The following GCA variants were observed in gnomAD, a reference collection of about 807,000 sequenced individuals.
GCA encodes grancalcin, EF-hand calcium-binding protein.
In GCA, 30 loss-of-function variants were observed where a neutral mutation model predicts 32.6. The observed-to-expected ratio is 0.92, with a 90% confidence interval of 0.69 to 1.25. GCA has a LOEUF of 1.25. Ranked by LOEUF, GCA falls within the 50% of genes most tolerant of loss-of-function variation. The probability of loss-of-function intolerance (pLI) is 0.00; values close to 1 mark genes in which losing one functional copy is unlikely to be tolerated. For synonymous variants in GCA, 102 were observed against 84.6 expected (o/e 1.21, Z -1.13); for missense variants, 291 against 266.8 (o/e 1.09, Z -0.63).
chr2:162,358,540 G>A (rs1166944251), intron 5 of GCA, among the ~76,000 whole-genome samples: 3 of 151,098 alleles, frequency 2.0e-5, no homozygotes, highest in Non-Finnish European at 4.5e-5. Flanking sequence ...AAGAATTCCA[G>A]GACAAAAAAG....
chr2:162,352,379 A>G lies in GCA; in HGVS notation c.234A>G (p.Thr78=). 6.3e-7 allele frequency: 1 copy of G among 1,593,158 alleles called. No homozygotes were observed. The highest frequency in any genetic ancestry group is 1.3e-5 in the African/African-American group (1 of 74,684). The change falls in exon 3 of 8, where the codon ACA becomes ACG. Residue 78 remains threonine, a synonymous_variant. Transcript: ENST00000437150. The part of the protein sequence containing the change: ...VDAEELQRCL[T]QSGINGTYSP... The stretch of plus-strand genomic sequence containing the variant: ...CTGAAGAACTTCAGAGATGTTTGAC[A>G]CAGTCTGGAATTAATGGAACTTACT...
upstream of GCA, chr2:162,343,991 G>C: frequency 1.8e-6 from 1 of 568,708 alleles, no homozygotes; most frequent in Non-Finnish European, 3.2e-6. Context: ...AATCAGGGCA[G>C]AGATGGGTGG....
intron 2 of GCA, among the ~76,000 whole-genome samples, chr2:162,351,948 G>A (rs1448492559): frequency 1.3e-5 from 2 of 152,114 alleles, no homozygotes; most frequent in Non-Finnish European, 2.9e-5. Flanking sequence ...TAAAGCTTCA[G>A]TATTATTTAT....
chr2:162,323,604 C>T (rs1025182646), intron 1 of GCA, among the ~76,000 whole-genome samples: 5 of 151,910 alleles, frequency 3.3e-5, no homozygotes, highest in Non-Finnish European at 5.9e-5. Flanking sequence ...AAGGAAGGAA[C>T]CCAGTTTCAG....
chr2:162,356,323 G>T (rs1685265926), intron 3 of GCA, 115 bp from the exon 4 acceptor site: 1 of 693,334 alleles, frequency 1.4e-6, no homozygotes, highest in East Asian at 2.5e-5. Flanking sequence ...TGATTGTGGT[G>T]ATTTTATATA....
intron 1 of GCA, 96 bp downstream of exon 1, chr2:162,344,371 C>T (rs564985243): frequency 9.5e-5 from 115 of 1,210,132 alleles, no homozygotes; most frequent in Non-Finnish European, 1.3e-4. Flanking sequence ...GGCTCCTGCT[C>T]CCTGCGTCCG....
exon 1 of GCA, chr2:162,319,120 G>GA: frequency 2.2e-6 from 1 of 456,524 alleles, no homozygotes; most frequent in South Asian, 1.5e-5. Context: ...AAGCTCAGAA[G>GA]ACATCTTTGC....
At chr2:162,325,499 A>T (rs956411064) in intron 1 of GCA, among the ~76,000 whole-genome samples, 2 of 152,170 alleles carry the variant, frequency 1.3e-5, no homozygotes, top group Non-Finnish European at 2.9e-5. Flanking sequence ...GGTGTGTTTT[A>T]TCAAGGCCTC....
chr2:162,347,745 G>A lies in GCA; in HGVS notation c.192+3G>A, dbSNP rs777249890. The A allele has an allele frequency of 1.3e-6, 2 of 1,491,614 alleles. No homozygotes were observed. Among genetic ancestry groups the A allele is most frequent in the East Asian group, 2.4e-5 (1 of 42,008 alleles). The allele number at this position is 1,491,614 out of a possible 1,614,324, so 92.4% of individuals were successfully genotyped here. A position where few individuals can be genotyped will look rare whatever the true frequency, so the allele number is the denominator to read the frequency against. The stretch of plus-strand genomic sequence containing the variant: ...ACTTCAGTGCTGTTGCTGGACAGGT[G>A]AGATGCTAAATTTATTGCATAAATA... On this transcript the variant is annotated splice_donor_region_variant and intron_variant, in intron 2 of 7. Coordinates refer to ENST00000437150, the MANE Select transcript of GCA (RefSeq NM_012198.5).
At chr2:162,368,436 G>A (rs1685825828) in intron 4 of GCA, among the ~76,000 whole-genome samples, 1 of 151,732 alleles carries the variant, frequency 6.6e-6, no homozygotes, top group African/African-American at 2.4e-5. Context: ...AATCATGAAA[G>A]TCATTTAGAG....
rs777341202 is a variant in GCA at position 162,360,259 on chromosome 2, A to G, written c.*16A>G. ...GGCAATTTGAATGCTTAGAATTTTAAACCTGAAGAGACACTGTGAATTCTT... is the reference window on the plus strand; with the variant it reads ...GGCAATTTGAATGCTTAGAATTTTAGACCTGAAGAGACACTGTGAATTCTT... On this transcript the variant is annotated 3_prime_UTR_variant, in exon 8 of 8. Transcript: ENST00000437150. The G allele has an allele frequency of 6.3e-7, 1 of 1,586,166 alleles. No homozygotes were observed. Among genetic ancestry groups the G allele is most frequent in the Admixed American group, 1.7e-5 (1 of 58,128 alleles).
chr2:162,370,608 C>T (rs575461471), intron 4 of GCA, among the ~76,000 whole-genome samples: 5 of 152,014 alleles, frequency 3.3e-5, no homozygotes, highest in Non-Finnish European at 7.4e-5. Flanking sequence ...AATAACTAAA[C>T]ACAACTGAAA....
chr2:162,360,521 A>G lies in GCA; in HGVS notation c.*278A>G. The G allele has an allele frequency of 4.1e-6, 4 of 978,530 alleles. No individual in the cohort carries two copies. Among genetic ancestry groups the G allele is most frequent in the Non-Finnish European group, 5.4e-6 (4 of 746,296 alleles). 60.6% of individuals were successfully genotyped at this position (978,530 alleles called of 1,614,324 possible). On this transcript the variant is annotated 3_prime_UTR_variant, in exon 8 of 8. Coordinates refer to ENST00000437150, the MANE Select transcript of GCA (RefSeq NM_012198.5). ...ATTGATTTAAATAATGCTTAGCCTTAATTTTAGATAATGTAAATTTAGAGG... is the reference window on the plus strand; with the variant it reads ...ATTGATTTAAATAATGCTTAGCCTTGATTTTAGATAATGTAAATTTAGAGG...
At chr2:162,366,822 T>C (rs889674062), downstream of GCA, among the ~76,000 whole-genome samples, 1 of 151,990 alleles carries the variant, frequency 6.6e-6, no homozygotes, top group Non-Finnish European at 1.5e-5. Context: ...CTATCTATAC[T>C]GGCTTTCGCC....
At chr2:162,360,184 T>C (rs769941726) in intron 7 of GCA, 33 bp from the exon 8 acceptor site, 2 of 1,280,402 alleles carry the variant, frequency 1.6e-6, no homozygotes, top group Non-Finnish European at 2.2e-6. Context: ...ACCATTTTAT[T>C]CTTAATAGAT....
chr2:162,369,835 A>C (rs1172613604), intron 4 of GCA, among the ~76,000 whole-genome samples: 1 of 152,136 alleles, frequency 6.6e-6, no homozygotes, highest in Non-Finnish European at 1.5e-5. Flanking sequence ...CCTGCTAGGC[A>C]CCATGGAATG....
chr2:162,357,383 A>C (rs1315018614), intron 5 of GCA, among the ~76,000 whole-genome samples: 1 of 151,808 alleles, frequency 6.6e-6, no homozygotes, highest in East Asian at 1.9e-4. Flanking sequence ...ATTTAGAAGT[A>C]TATAACTTTA....
chr2:162,326,655 T>C (rs1683891894), intron 1 of GCA, among the ~76,000 whole-genome samples: 1 of 152,204 alleles, frequency 6.6e-6, no homozygotes. Flanking sequence ...TAGCTGGGAC[T>C]ACAGGCAAGC....
intron 3 of GCA, among the ~76,000 whole-genome samples, chr2:162,354,865 C>T (rs1054046387): frequency 6.6e-6 from 1 of 152,144 alleles, no homozygotes; most frequent in Non-Finnish European, 1.5e-5. Context: ...AGTGAAAAAT[C>T]TGTCAACTTT....
Sources: allele counts gnomAD v4.1 joint callset (sites outside exome capture counted in the v4.1 genomes callset), GRCh38; gene constraint gnomAD v4.1.1; transcripts MANE v1.5; gene names NCBI Gene and HGNC (gene_info 2026-07-23, HGNC 2026-07-21).